Variants in MAPKAPK3 observed in about 807,000 individuals in gnomAD.
MAPKAPK3 encodes MAPK activated protein kinase 3, also known as MAP kinase-activated protein kinase 3.
A neutral mutation model predicts 49.2 loss-of-function variants in MAPKAPK3; 35 were observed. The ratio of observed to expected loss-of-function variants is 0.71; its 90% CI spans 0.54 to 0.94. The LOEUF (loss-of-function observed/expected upper bound fraction) is 0.94. MAPKAPK3 is among the 40% of genes least tolerant of loss of function. The pLI is 0.00. For synonymous variants in MAPKAPK3, 178 were observed against 188.7 expected (o/e 0.94, Z 0.46); for missense variants, 398 against 493.1 (o/e 0.81, Z 1.83).
At position 50,646,123 on chromosome 3, in the gene MAPKAPK3, C is replaced by G; in HGVS notation, c.705-17C>G. On this transcript the variant is annotated splice_polypyrimidine_tract_variant and intron_variant, in intron 7 of 10. Coordinates refer to ENST00000621469, the MANE Select transcript of MAPKAPK3 (RefSeq NM_001243925.2). ...ACTGCTCCCACCCTATGCCAAATGA[C>G]TTACCCCTTCCCCCAGCCTTTGTGG... 6.2e-7 allele frequency: 1 copy of G among 1,611,586 alleles called. No individual in the cohort carries two copies. The highest frequency in any genetic ancestry group is 8.5e-7 in the Non-Finnish European group (1 of 1,178,430).
chr3:50,641,734 G>A lies in MAPKAPK3; in HGVS notation c.387G>A (p.Arg129=), dbSNP rs199541398. 1 of 1,614,076 alleles carries A rather than the reference G, an allele frequency of 6.2e-7. No homozygotes were observed. The highest frequency in any genetic ancestry group is 1.3e-5 in the African/African-American group (1 of 74,930). The part of the protein sequence containing the change: ...ECMEGGELFS[R]IQERGDQAFT... Reference sequence around the variant, plus strand: ...TGGAAGGTGGTGAGTTGTTCAGCAGGATTCAGGAGCGTGGCGACCAGGCTT... The same window carrying A: ...TGGAAGGTGGTGAGTTGTTCAGCAGAATTCAGGAGCGTGGCGACCAGGCTT... The change falls in exon 4 of 11, where the codon AGG becomes AGA. Residue 129 remains arginine, a synonymous_variant. Coordinates refer to ENST00000621469, the MANE Select transcript of MAPKAPK3 (RefSeq NM_001243925.2).
chr3:50,644,669 C>T lies in MAPKAPK3; in HGVS notation c.628+137C>T, dbSNP rs143267433. Reference sequence around the variant, plus strand: ...GGGGAGAATTCTGTCTGCATGGAGGCGGGTGACGTGGGGGGCCGGAGGCTG... The same window carrying T: ...GGGGAGAATTCTGTCTGCATGGAGGTGGGTGACGTGGGGGGCCGGAGGCTG... On this transcript the variant is annotated intron_variant, in intron 6 of 10. Transcript: ENST00000621469. The T allele has an allele frequency of 1.0e-4, 92 of 895,772 alleles. No homozygotes were observed. The African/African-American group carries it at 1.1e-3, about 10-fold the overall frequency. 55.5% of individuals were successfully genotyped at this position (895,772 alleles called of 1,614,324 possible). A position where few individuals can be genotyped will look rare whatever the true frequency, so the allele number is the denominator to read the frequency against.
At position 50,649,107 on chromosome 3, in the gene MAPKAPK3, G is replaced by A. The variant is rs1274276223; in HGVS notation, c.*1061G>A. The A allele has an allele frequency of 2.6e-5, 4 of 152,252 alleles. No individual in the cohort carries two copies. Among genetic ancestry groups the A allele is most frequent in the Non-Finnish European group, 4.4e-5 (3 of 68,092 alleles). 9.4% of individuals were successfully genotyped at this position (152,252 alleles called of 1,614,324 possible). A position where few individuals can be genotyped will look rare whatever the true frequency, so the allele number is the denominator to read the frequency against. On this transcript the variant is annotated 3_prime_UTR_variant, in exon 11 of 11. Transcript: ENST00000621469. ...TTTCCTGGCTGATCAGAGCTTACCAGCCCCACCCCACCATGGTAGCCTTAG... is the reference window on the plus strand; with the variant it reads ...TTTCCTGGCTGATCAGAGCTTACCAACCCCACCCCACCATGGTAGCCTTAG...
chr3:50,642,598 C>A (rs2033200814), intron 5 of MAPKAPK3, among the ~76,000 whole-genome samples: 2 of 152,250 alleles, frequency 1.3e-5, no homozygotes, highest in Middle Eastern at 3.2e-3. Flanking sequence ...CTGCCTAAAG[C>A]CAGCGGGCCC....
chr3:50,617,880 A>G, intron 2 of MAPKAPK3, 96 bp downstream of exon 2: 2 of 918,488 alleles, frequency 2.2e-6, no homozygotes, highest in Non-Finnish European at 1.7e-6. Flanking sequence ...TAAGCTTCCT[A>G]TGCTCAGCAA....
At position 50,640,946 on chromosome 3, in the gene MAPKAPK3, T is replaced by G. The variant is rs550811855; in HGVS notation, c.359+441T>G. 3.3e-5 allele frequency among the ~76,000 whole-genome samples: 5 copies of G among 152,254 alleles called. No homozygotes were observed. In the South Asian group the frequency reaches 1.0e-3, roughly 32 times the overall value. ...GCCTAGAACCAGGAGCCAGTGGCCT[T>G]TTCCACCCTGGGCTTCTTCCTGTAA... On this transcript the variant is annotated intron_variant, in intron 3 of 10. Coordinates refer to ENST00000621469, the MANE Select transcript of MAPKAPK3 (RefSeq NM_001243925.2).
chr3:50,619,490 A>G (rs889849685), intron 2 of MAPKAPK3, among the ~76,000 whole-genome samples: 10 of 152,158 alleles, frequency 6.6e-5, no homozygotes, highest in Non-Finnish European at 1.3e-4. Context: ...TTAGGGAAAA[A>G]GTGGCTCTTC....
At chr3:50,645,615 A>G in intron 6 of MAPKAPK3, 95 bp from the exon 7 acceptor site, 1 of 917,078 alleles carries the variant, frequency 1.1e-6, no homozygotes, top group Non-Finnish European at 1.8e-6. Context: ...CTCCCAGCCC[A>G]GGTACCTGCT....
chr3:50,629,159 A>G (rs1408880463), intron 2 of MAPKAPK3, among the ~76,000 whole-genome samples: 3 of 152,028 alleles, frequency 2.0e-5, no homozygotes, highest in African/African-American at 7.3e-5. Context: ...TCACAGCAAA[A>G]CAGGATTCGT....
intron 5 of MAPKAPK3, among the ~76,000 whole-genome samples, chr3:50,643,603 G>A (rs1416296523): frequency 1.3e-5 from 2 of 152,110 alleles, no homozygotes; most frequent in African/African-American, 2.4e-5. Context: ...TTTGGACCCT[G>A]GCTTTTTTTT....
chr3:50,628,568 T>G (rs2032817284), intron 2 of MAPKAPK3, among the ~76,000 whole-genome samples: 1 of 152,140 alleles, frequency 6.6e-6, no homozygotes, highest in African/African-American at 2.4e-5. Context: ...CTCTTTGAAG[T>G]TAAAGGAAGA....
At chr3:50,646,642 T>G in intron 8 of MAPKAPK3, 98 bp from the exon 9 acceptor site, 2 of 1,079,368 alleles carry the variant, frequency 1.9e-6, no homozygotes, top group South Asian at 1.3e-5. Context: ...TGGGAGCACA[T>G]GCAGCCCCTG....
intron 3 of MAPKAPK3, 39 bp from the exon 4 acceptor site, chr3:50,641,668 C>T (rs1228067577): frequency 6.5e-7 from 1 of 1,537,960 alleles, no homozygotes. Context: ...GGATGATGTG[C>T]AGTTTCCCCC....
intron 4 of MAPKAPK3, 127 bp downstream of exon 4, chr3:50,641,898 T>A: frequency 1.2e-6 from 1 of 835,714 alleles, no homozygotes. Flanking sequence ...AGGGTGAGAC[T>A]CAGTGTCCAT....
At chr3:50,647,063 G>A in intron 9 of MAPKAPK3, 60 bp from the exon 10 acceptor site, 1 of 1,392,734 alleles carries the variant, frequency 7.2e-7, no homozygotes, top group Non-Finnish European at 1.0e-6. Context: ...GGAGTAGGGG[G>A]AACCAGTGCT....
In MAPKAPK3 at chr3:50,617,594, G is replaced by T; in HGVS notation, c.29G>T (p.Gly10Val). 6.3e-7 allele frequency: 1 copy of T among 1,592,872 alleles called. No homozygotes were observed. Among genetic ancestry groups the T allele is most frequent in the Non-Finnish European group, 8.6e-7 (1 of 1,163,484 alleles). The change falls in exon 2 of 11, where the codon GGG (glycine) becomes GTG (valine). Residue 10 changes from glycine to valine, a missense_variant. Gly to Val is a moderately radical substitution (Grantham distance 109). This residue lies in a region of MAPKAPK3 where 123 missense variants were observed against 117.7 expected (regional missense o/e 1.04). Transcript: ENST00000621469. MDGETAEEQ[G>V]GPVPPPVAPG... ...GATGGTGAAACAGCAGAGGAGCAGG[G>T]GGGCCCTGTGCCCCCGCCAGTTGCA...
At chr3:50,611,639 G>A (rs548392063), upstream of MAPKAPK3, 6 of 1,506,686 alleles carry the variant, frequency 4.0e-6, no homozygotes, top group African/African-American at 2.9e-5. Flanking sequence ...ACCCCTGAAC[G>A]CAGAGGACCA....
chr3:50,642,169 T>G, intron 4 of MAPKAPK3, 84 bp from the exon 5 acceptor site: 1 of 901,768 alleles, frequency 1.1e-6, no homozygotes, highest in Non-Finnish European at 1.9e-6. Flanking sequence ...TGCTGGCCTG[T>G]TAGACTGTGT....
At position 50,617,596 on chromosome 3, in the gene MAPKAPK3, G is replaced by C. The variant is rs147044454; in HGVS notation, c.31G>C (p.Gly11Arg). The change falls in exon 2 of 11, where the codon GGC becomes CGC. Residue 11 changes from glycine to arginine, a missense_variant. Physicochemically the swap from Gly to Arg is moderately radical, Grantham distance 125 (BLOSUM62 -2). Transcript: ENST00000621469. MDGETAEEQG[G>R]PVPPPVAPGG... is the part of the protein sequence containing the mutation. ...TGGTGAAACAGCAGAGGAGCAGGGG[G>C]GCCCTGTGCCCCCGCCAGTTGCACC... 2 of 1,593,668 alleles carry C rather than the reference G, an allele frequency of 1.3e-6. No individual in the cohort carries two copies. The highest frequency in any genetic ancestry group is 1.7e-5 in the Admixed American group (1 of 59,864).
Sources: gnomAD v4.1 joint callset for allele counts (sites outside exome capture counted in the v4.1 genomes callset) on GRCh38, gnomAD v4.1.1 for gene constraint, gnomAD v4.1.1 regional missense constraint, MANE v1.5 for transcripts, NCBI Gene and HGNC (gene_info 2026-07-23, HGNC 2026-07-21) for gene names.